The following KCTD16 variants were observed in gnomAD, a reference collection of about 807,000 sequenced individuals.
KCTD16 encodes BTB/POZ domain-containing protein KCTD16.
In KCTD16, 13 loss-of-function variants were observed where a neutral mutation model predicts 33.2. The ratio of observed to expected loss-of-function variants is 0.39; its 90% confidence interval spans 0.25 to 0.62. The LOEUF (loss-of-function observed/expected upper bound fraction) is 0.62, where lower values mean the gene tolerates loss of function less well. Among genes scored for constraint, KCTD16 ranks in the 20% least tolerant of loss-of-function variants. KCTD16 has a pLI of 0.50. For synonymous variants in KCTD16, 197 were observed against 195.3 expected (o/e 1.01, Z -0.07); for missense variants, 441 against 525.1 (o/e 0.84, Z 1.57).
intron 3 of KCTD16, among the ~76,000 whole-genome samples, chr5:144,365,912 G>T (rs1234543458): frequency 6.6e-6 from 1 of 152,196 alleles, no homozygotes; most frequent in Non-Finnish European, 1.5e-5. Flanking sequence ...TGCCATTGGT[G>T]TAAAAATTGT....
intron 3 of KCTD16, among the ~76,000 whole-genome samples, chr5:144,326,019 T>C (rs1386930288): frequency 6.6e-6 from 1 of 152,190 alleles, no homozygotes; most frequent in African/African-American, 2.4e-5. Context: ...ATGATAATAA[T>C]AGTGGACTCA....
chr5:144,275,509 C>G (rs1755414406), intron 3 of KCTD16, among the ~76,000 whole-genome samples: 1 of 152,176 alleles, frequency 6.6e-6, no homozygotes, highest in Non-Finnish European at 1.5e-5. Flanking sequence ...CCCACTCTCT[C>G]TAAAACTGTA....
chr5:144,284,992 A>T (rs1458290816), intron 3 of KCTD16, among the ~76,000 whole-genome samples: 1 of 152,210 alleles, frequency 6.6e-6, no homozygotes, highest in African/African-American at 2.4e-5. Context: ...ATTTCATGCC[A>T]ATAGACACAT....
chr5:144,417,687 G>A (rs1753096331), intron 3 of KCTD16, among the ~76,000 whole-genome samples: 1 of 152,054 alleles, frequency 6.6e-6, no homozygotes, highest in South Asian at 2.1e-4. Flanking sequence ...CCAAGGTCAT[G>A]GAGATTTAGT....
chr5:144,202,510 T>A (rs1353796826), intron 2 of KCTD16, among the ~76,000 whole-genome samples: 1 of 152,208 alleles, frequency 6.6e-6, no homozygotes, highest in African/African-American at 2.4e-5. Context: ...GATGTTAACC[T>A]GAGGTCTATG....
chr5:144,305,683 G>A (rs1189042359), intron 3 of KCTD16, among the ~76,000 whole-genome samples: 1 of 152,042 alleles, frequency 6.6e-6, no homozygotes, highest in African/African-American at 2.4e-5. Context: ...GCATGGTGGT[G>A]CGCACCTGTA....
intron 2 of KCTD16, among the ~76,000 whole-genome samples, chr5:144,180,980 T>C (rs1279682932): frequency 2.6e-5 from 4 of 151,920 alleles, no homozygotes; most frequent in Non-Finnish European, 4.4e-5. Flanking sequence ...TCGCCCAGGC[T>C]GGAGTGCAGT....
rs1158318812 is a variant in KCTD16, at chr5:144,483,395, ATAATT to A, written c.*9284_*9288del. 6.6e-6 allele frequency: 1 copy of A among 151,922 alleles called. No individual in the cohort carries two copies. Among genetic ancestry groups the A allele is most frequent in the East Asian group, 1.9e-4 (1 of 5,160 alleles). The allele number at this position is 151,922 out of a possible 1,614,324, so 9.4% of individuals were successfully genotyped here. On this transcript the variant is annotated 3_prime_UTR_variant, in exon 4 of 4. Transcript: ENST00000512467. ...ATCTATTTATTTAAAGCTATAGTAA[ATAATT>A]TATAATATGCATATTGTAAATAGAT...
chr5:144,234,700 T>G (rs917213390), intron 3 of KCTD16, among the ~76,000 whole-genome samples: 1 of 152,088 alleles, frequency 6.6e-6, no homozygotes, highest in Non-Finnish European at 1.5e-5. Flanking sequence ...AAGCCTTAAA[T>G]AAAATGGCAT....
At chr5:144,387,146 T>TG (rs1196570093) in intron 3 of KCTD16, among the ~76,000 whole-genome samples, 1 of 148,266 alleles carries the variant, frequency 6.7e-6, no homozygotes, top group East Asian at 2.0e-4. Context: ...TAATTTTTTT[T>TG]TTTTTTTTTT....
intron 3 of KCTD16, among the ~76,000 whole-genome samples, chr5:144,288,636 C>G (rs561345201): frequency 6.6e-6 from 1 of 152,234 alleles, no homozygotes; most frequent in East Asian, 1.9e-4. Context: ...GGATACATTC[C>G]TCTTTTATTT....
At chr5:144,396,912 T>TTATA (rs200508365) in intron 3 of KCTD16, among the ~76,000 whole-genome samples, 5,156 of 140,918 alleles carry the variant, frequency 0.037, 137 homozygotes, top group African/African-American at 0.074. Context: ...ACTTTATTTA[T>TTATA]TATATATATA....
chr5:144,439,803 A>C (rs1241089652), intron 3 of KCTD16, among the ~76,000 whole-genome samples: 1 of 152,108 alleles, frequency 6.6e-6, no homozygotes, highest in African/African-American at 2.4e-5. Flanking sequence ...GTATCGTGTA[A>C]ACTTGCTGTT....
intron 3 of KCTD16, among the ~76,000 whole-genome samples, chr5:144,238,530 A>C (rs1320669493): frequency 6.6e-6 from 1 of 152,100 alleles, no homozygotes. Context: ...CAGGATTGAA[A>C]CTTCTACAGA....
At chr5:144,260,048 C>T (rs1053588320) in intron 3 of KCTD16, among the ~76,000 whole-genome samples, 2 of 152,184 alleles carry the variant, frequency 1.3e-5, no homozygotes, top group Admixed American at 1.3e-4. Context: ...AAATGAAAGG[C>T]ATCTCTTAGG....
chr5:144,296,654 G>A (rs1347761769), intron 3 of KCTD16, among the ~76,000 whole-genome samples: 6 of 151,918 alleles, frequency 3.9e-5, no homozygotes, highest in African/African-American at 9.7e-5. Context: ...TAGAGAATTC[G>A]TCATCCTCTG....
intron 3 of KCTD16, among the ~76,000 whole-genome samples, chr5:144,257,495 CT>C (rs200355726): frequency 3.6e-4 from 53 of 145,950 alleles, no homozygotes; most frequent in Admixed American, 4.1e-4. Flanking sequence ...GTCATAGTTT[CT>C]TTTTTTTTTT....
chr5:144,391,560 G>A (rs898713332), intron 3 of KCTD16, among the ~76,000 whole-genome samples: 1 of 152,222 alleles, frequency 6.6e-6, no homozygotes, highest in African/African-American at 2.4e-5. Context: ...CAGATGTACA[G>A]TCAGGAGTCT....
intron 3 of KCTD16, among the ~76,000 whole-genome samples, chr5:144,219,534 T>TTTC (rs1753672497): frequency 6.9e-6 from 1 of 145,142 alleles, no homozygotes; most frequent in African/African-American, 2.6e-5. Context: ...TTTTTTTTTT[T>TTTC]TTTTGAGACG....
Sources: allele counts gnomAD v4.1 joint callset (sites outside exome capture counted in the v4.1 genomes callset), GRCh38; gene constraint gnomAD v4.1.1; transcripts MANE v1.5; gene names NCBI Gene and HGNC (gene_info 2026-07-23, HGNC 2026-07-21).